UIMC1: variants seen among roughly 807,000 people sequenced by gnomAD.
UIMC1 encodes the protein BRCA1-A complex subunit RAP80.
UIMC1 carries 42 observed loss-of-function variants against 84.9 expected under a neutral mutation model. The ratio of observed to expected loss-of-function variants is 0.49; its 90% CI spans 0.39 to 0.64. UIMC1 has a LOEUF of 0.64. Among genes scored for constraint, UIMC1 ranks in the 30% least tolerant of loss-of-function variants. The pLI is 0.00. For missense variants in UIMC1, 825 were observed against 847.6 expected (o/e 0.97, Z 0.33); for synonymous variants, 281 against 293.0 (o/e 0.96, Z 0.42).
intron 6 of UIMC1, among the ~76,000 whole-genome samples, chr5:176,968,161 C>A (rs1364498975): frequency 6.6e-6 from 1 of 152,098 alleles, no homozygotes; most frequent in East Asian, 1.9e-4. Flanking sequence ...ATCACAAGGT[C>A]AGGAGTTCAA....
At chr5:176,997,029 T>C (rs969833223) in intron 1 of UIMC1, among the ~76,000 whole-genome samples, 2 of 151,940 alleles carry the variant, frequency 1.3e-5, no homozygotes, top group African/African-American at 4.8e-5. Context: ...TGTGCACGCG[T>C]GCGCACACAC....
intron 1 of UIMC1, among the ~76,000 whole-genome samples, chr5:177,004,104 C>A (rs1379069818): frequency 6.6e-6 from 1 of 152,300 alleles, no homozygotes; most frequent in East Asian, 1.9e-4. Context: ...GCTGGGATTA[C>A]ATGTACCATA....
chr5:176,970,967 C>T (rs1769115357), intron 3 of UIMC1, 101 bp from the exon 4 acceptor site: 1 of 1,417,304 alleles, frequency 7.1e-7, no homozygotes, highest in Non-Finnish European at 9.4e-7. Flanking sequence ...GAAGACACTA[C>T]CAGACCACTT....
At chr5:176,987,825 CA>C (rs908974732) in intron 1 of UIMC1, among the ~76,000 whole-genome samples, 13 of 139,260 alleles carry the variant, frequency 9.3e-5, no homozygotes, top group African/African-American at 8.0e-5. Context: ...CCCTGTCTCA[CA>C]AAAAAAAAAG....
chr5:176,944,722 A>G (rs530479691), intron 9 of UIMC1, among the ~76,000 whole-genome samples: 13 of 152,368 alleles, frequency 8.5e-5, no homozygotes, highest in South Asian at 2.1e-4. Flanking sequence ...CCTAATGCTT[A>G]TAAGTGTGAT....
chr5:176,930,923 T>C (rs1484585032), intron 10 of UIMC1, among the ~76,000 whole-genome samples: 1 of 152,256 alleles, frequency 6.6e-6, no homozygotes, highest in Non-Finnish European at 1.5e-5. Flanking sequence ...AATTCATGTT[T>C]GCACTCAGAG....
chr5:176,955,846 TC>T (rs1766531410), intron 8 of UIMC1, 112 bp downstream of exon 8: 3 of 932,794 alleles, frequency 3.2e-6, no homozygotes, highest in Non-Finnish European at 5.0e-6. Flanking sequence ...CATACACGTA[TC>T]AATTACATAC....
At chr5:177,013,349 A>C (rs144862819) in intron 1 of UIMC1, among the ~76,000 whole-genome samples, 2,074 of 143,794 alleles carry the variant, frequency 0.014, 41 homozygotes, top group African/African-American at 0.052. Context: ...CAACAGAGCA[A>C]GACTGCATCC....
intron 1 of UIMC1, among the ~76,000 whole-genome samples, chr5:176,998,132 G>A (rs1678380610): frequency 6.6e-6 from 1 of 152,030 alleles, no homozygotes; most frequent in Non-Finnish European, 1.5e-5. Context: ...CTTAAGGAAG[G>A]CAAGGAAGAA....
At chr5:176,959,512 C>T (rs1339472221) in intron 6 of UIMC1, among the ~76,000 whole-genome samples, 6 of 147,964 alleles carry the variant, frequency 4.1e-5, no homozygotes, top group Non-Finnish European at 9.0e-5. Context: ...GTCAGGAGAT[C>T]GAGACCATCC....
At chr5:176,984,046 G>A (rs2149509416) in intron 1 of UIMC1, among the ~76,000 whole-genome samples, 1 of 104,142 alleles carries the variant, frequency 9.6e-6, no homozygotes, top group African/African-American at 3.6e-5. Flanking sequence ...CGCCCCGTCT[G>A]GGAAGTGAGG....
chr5:176,963,283 G>A (rs1249741324), intron 6 of UIMC1, among the ~76,000 whole-genome samples: 1 of 151,882 alleles, frequency 6.6e-6, no homozygotes, highest in Non-Finnish European at 1.5e-5. Flanking sequence ...AACTTTGGGA[G>A]GCCAAGGGGG....
At chr5:176,958,202 G>A (rs776300052) in intron 6 of UIMC1, 48 bp from the exon 7 acceptor site, 30 of 1,498,746 alleles carry the variant, frequency 2.0e-5, no homozygotes, top group Non-Finnish European at 1.5e-5. Flanking sequence ...CAGGTGAACT[G>A]GCTTCTCTTC....
intron 2 of UIMC1, among the ~76,000 whole-genome samples, chr5:176,980,894 C>T (rs563514247): frequency 5.4e-4 from 82 of 152,206 alleles, no homozygotes; most frequent in African/African-American, 1.8e-3. Flanking sequence ...GCACACGCCA[C>T]CATGCCCAGC....
At position 176,905,361 on chromosome 5, in the gene UIMC1, T is replaced by C. The variant is rs763351646; in HGVS notation, c.2081A>G (p.Asp694Gly). Residue 694 changes from aspartate (D) to glycine (G), a missense_variant, in exon 15 of 15, where the codon GAC becomes GGC. Physicochemically the swap from Asp to Gly is moderately conservative, Grantham distance 94. Coordinates refer to ENST00000511320, the MANE Select transcript of UIMC1 (RefSeq NM_001199298.2). Reference sequence around the variant, plus strand: ...CTGGACAGTAACTTGCTTTTTAAAGTCCACTAAGCAATCTGTGGCTTCTGA... The same window carrying C: ...CTGGACAGTAACTTGCTTTTTAAAGCCCACTAAGCAATCTGTGGCTTCTGA... The part of the protein sequence containing the change: ...SISEATDCLV[D>G]FKKQVTVQPG... 4 of 1,614,160 alleles carry C rather than the reference T, an allele frequency of 2.5e-6. No individual in the cohort carries two copies. Among genetic ancestry groups the C allele is most frequent in the Non-Finnish European group, 3.4e-6 (4 of 1,179,998 alleles).
chr5:176,972,108 G>T (rs1266457224), intron 3 of UIMC1, among the ~76,000 whole-genome samples: 1 of 151,246 alleles, frequency 6.6e-6, no homozygotes, highest in Non-Finnish European at 1.5e-5. Context: ...CCTCTTTATA[G>T]AATTATTACA....
intron 10 of UIMC1, among the ~76,000 whole-genome samples, chr5:176,912,276 C>G (rs1415282477): frequency 6.6e-6 from 1 of 152,158 alleles, no homozygotes; most frequent in Non-Finnish European, 1.5e-5. Context: ...GCACTGTTAG[C>G]AGGAAAGCAG....
chr5:176,908,626 C>G lies in UIMC1; in HGVS notation c.1745G>C (p.Cys582Ser). ...TTGGTCAGCCTTTGCAAGCTGGAGA[C>G]AGGAGTCCACATGACACTGATACTC... The part of the protein sequence containing the change: ...FREYQCHVDS[C>S]LQLAKADQGD... Residue 582 changes from cysteine (C) to serine (S), a missense_variant, in exon 12 of 15, where the codon TGT becomes TCT. Transcript: ENST00000511320. 1 of 1,614,192 alleles carries G rather than the reference C, an allele frequency of 6.2e-7. No homozygotes were observed.
intron 6 of UIMC1, among the ~76,000 whole-genome samples, 180 bp from the exon 7 acceptor site, chr5:176,958,334 G>A (rs530061691): frequency 3.3e-5 from 5 of 152,312 alleles, no homozygotes; most frequent in Non-Finnish European, 7.3e-5. Flanking sequence ...TCAGAAGACT[G>A]GTATTTAAAT....
Sources: gnomAD v4.1 joint callset for allele counts (sites outside exome capture counted in the v4.1 genomes callset) on GRCh38, gnomAD v4.1.1 for gene constraint, MANE v1.5 for transcripts, NCBI Gene and HGNC (gene_info 2026-07-23, HGNC 2026-07-21) for gene names.